Variants in MEI4 observed in about 807,000 individuals in gnomAD.
The protein encoded by MEI4 is meiosis-specific protein MEI4.
In MEI4, 27 loss-of-function variants were observed where a neutral mutation model predicts 31.4. The observed-to-expected ratio is 0.86, with a 90% CI of 0.63 to 1.19. The LOEUF (loss-of-function observed/expected upper bound fraction) is 1.19. MEI4 is among the 50% of genes most tolerant of loss of function. The probability of loss-of-function intolerance (pLI) is 0.00; values close to 1 mark genes in which losing one functional copy is unlikely to be tolerated. For missense variants in MEI4, 329 were observed against 398.9 expected, an observed-to-expected ratio of 0.82 and a Z score of 1.49; for synonymous variants, 122 against 145.4, an observed-to-expected ratio of 0.84 and a Z score of 1.16.
chr6:77,841,333 ATT>A (rs1239589008), intron 4 of MEI4, among the ~76,000 whole-genome samples: 1 of 27,746 alleles, frequency 3.6e-5, no homozygotes, highest in Non-Finnish European at 5.2e-5. Context: ...ATATATATAT[ATT>A]TTTTTTTTTT....
intron 1 of MEI4, among the ~76,000 whole-genome samples, chr6:77,676,787 A>T (rs1193338595): frequency 6.6e-6 from 1 of 152,020 alleles, no homozygotes; most frequent in African/African-American, 2.4e-5. Context: ...ATTGTTCTTA[A>T]ATTTTTCTTT....
At chr6:77,912,440 A>G (rs947537787) in intron 4 of MEI4, among the ~76,000 whole-genome samples, 1 of 152,090 alleles carries the variant, frequency 6.6e-6, no homozygotes, top group African/African-American at 2.4e-5. Context: ...AATTATTCCT[A>G]TCCATGAGTA....
chr6:77,675,380 G>C (rs1260287170), intron 1 of MEI4, among the ~76,000 whole-genome samples: 1 of 152,024 alleles, frequency 6.6e-6, no homozygotes, highest in African/African-American at 2.4e-5. Context: ...TTTTAATGCA[G>C]TAAAACTGAT....
chr6:77,743,009 T>C (rs1372611189), intron 2 of MEI4, among the ~76,000 whole-genome samples: 1 of 152,060 alleles, frequency 6.6e-6, no homozygotes, highest in Non-Finnish European at 1.5e-5. Flanking sequence ...TACCATGCTG[T>C]TTTGGTTACT....
At position 77,926,238 on chromosome 6, in the gene MEI4, A is replaced by G. The variant is rs2127745283; in HGVS notation, c.*2892A>G. 6.6e-6 allele frequency: 1 copy of G among 152,070 alleles called. No individual in the cohort carries two copies. The highest frequency in any genetic ancestry group is 1.9e-4 in the East Asian group (1 of 5,138). The allele number at this position is 152,070 out of a possible 1,614,324, so 9.4% of individuals were successfully genotyped here. A position where few individuals can be genotyped will look rare whatever the true frequency, so the allele number is the denominator to read the frequency against. On this transcript the variant is annotated 3_prime_UTR_variant, in exon 5 of 5. Transcript: ENST00000684080. The stretch of plus-strand genomic sequence containing the variant: ...GAAATTACTAGCTTATGATTAGCTT[A>G]TTTTGGATTTTTTAATTGCTGTAAA...
At chr6:77,860,084 T>C (rs1770832740) in intron 4 of MEI4, among the ~76,000 whole-genome samples, 1 of 152,208 alleles carries the variant, frequency 6.6e-6, no homozygotes. Flanking sequence ...CTTATTTGCT[T>C]CTTAGAATAA....
intron 4 of MEI4, among the ~76,000 whole-genome samples, chr6:77,845,884 GT>G (rs11294532): frequency 0.52 from 75,117 of 143,292 alleles, 20,985 homozygotes; most frequent in African/African-American, 0.75. Context: ...CAGAAGTCTT[GT>G]TTTTTTTTTT....
At chr6:77,732,275 C>A (rs1247719525) in intron 2 of MEI4, among the ~76,000 whole-genome samples, 1 of 151,946 alleles carries the variant, frequency 6.6e-6, no homozygotes. Flanking sequence ...GAATGTTCTT[C>A]CATTTGTTTT....
chr6:77,749,901 C>G (rs6453999), intron 2 of MEI4, among the ~76,000 whole-genome samples: 8,864 of 152,160 alleles, frequency 0.058, 704 homozygotes, highest in African/African-American at 0.17. Flanking sequence ...CAGAAGCCCA[C>G]CAGACTAACA....
At chr6:77,659,245 A>G (rs980097451) in intron 1 of MEI4, among the ~76,000 whole-genome samples, 2 of 152,124 alleles carry the variant, frequency 1.3e-5, no homozygotes, top group African/African-American at 4.8e-5. Flanking sequence ...CATGAGGGGA[A>G]CAGGGAGCTC....
At chr6:77,846,284 A>G (rs1459398708) in intron 4 of MEI4, among the ~76,000 whole-genome samples, 5 of 152,060 alleles carry the variant, frequency 3.3e-5, no homozygotes, top group East Asian at 1.9e-4. Context: ...TCCTCAGTTC[A>G]TCACATTCCA....
chr6:77,656,067 T>G (rs1768388992), intron 1 of MEI4, among the ~76,000 whole-genome samples: 2 of 152,166 alleles, frequency 1.3e-5, no homozygotes, highest in Admixed American at 1.3e-4. Context: ...TTCAGTGAGC[T>G]CATTCTTCAT....
At chr6:77,914,107 G>C (rs1766491349) in intron 4 of MEI4, among the ~76,000 whole-genome samples, 1 of 148,520 alleles carries the variant, frequency 6.7e-6, no homozygotes, top group African/African-American at 2.5e-5. Context: ...AGTTCTGCTT[G>C]ATCTTTATTA....
chr6:77,731,651 T>C (rs940236235), intron 2 of MEI4, among the ~76,000 whole-genome samples: 2 of 151,348 alleles, frequency 1.3e-5, no homozygotes, highest in South Asian at 4.2e-4. Context: ...CATTTGTCAA[T>C]TTTGGCTTTT....
At chr6:77,813,445 T>C (rs558556677) in intron 3 of MEI4, among the ~76,000 whole-genome samples, 1 of 152,078 alleles carries the variant, frequency 6.6e-6, no homozygotes, top group Admixed American at 6.6e-5. Context: ...CCCGTCTTCC[T>C]TTCTTCTGTC....
At chr6:77,666,533 C>T (rs1332215573) in intron 1 of MEI4, among the ~76,000 whole-genome samples, 2 of 152,088 alleles carry the variant, frequency 1.3e-5, no homozygotes, top group Non-Finnish European at 2.9e-5. Flanking sequence ...CTAATTTTGT[C>T]TCCTCAGCAA....
intron 4 of MEI4, among the ~76,000 whole-genome samples, chr6:77,844,055 G>A (rs1326512775): frequency 1.3e-5 from 2 of 152,018 alleles, no homozygotes; most frequent in African/African-American, 4.8e-5. Flanking sequence ...AGTCTTTACA[G>A]GGCAATCAAT....
At chr6:77,745,612 A>G (rs1013646346) in intron 2 of MEI4, among the ~76,000 whole-genome samples, 4 of 152,188 alleles carry the variant, frequency 2.6e-5, no homozygotes, top group African/African-American at 9.7e-5. Flanking sequence ...GCTCTGCACC[A>G]AGCAGACATA....
chr6:77,661,153 T>G (rs1406187858), intron 1 of MEI4, among the ~76,000 whole-genome samples: 1 of 152,208 alleles, frequency 6.6e-6, no homozygotes, highest in Non-Finnish European at 1.5e-5. Flanking sequence ...GTAAAAGTAC[T>G]GTCCAATCCT....
Sources: gnomAD v4.1 joint callset for allele counts (sites outside exome capture counted in the v4.1 genomes callset) on GRCh38, gnomAD v4.1.1 for gene constraint, MANE v1.5 for transcripts, NCBI Gene and HGNC (gene_info 2026-07-23, HGNC 2026-07-21) for gene names.